The following CPNE4 variants were observed in gnomAD, a reference collection of about 807,000 sequenced individuals.
The protein encoded by CPNE4 is copine-4.
In CPNE4, 25 loss-of-function variants were observed where a neutral mutation model predicts 67.9. That is an observed-to-expected ratio of 0.37 (90% CI 0.27 to 0.51). The LOEUF (loss-of-function observed/expected upper bound fraction) is 0.51. CPNE4 is among the 20% of genes least tolerant of loss of function. The probability of loss-of-function intolerance (pLI) is 0.93; values close to 1 mark genes in which losing one functional copy is unlikely to be tolerated. For missense variants in CPNE4, 464 were observed against 690.8 expected (o/e 0.67, Z 3.68); for synonymous variants, 242 against 244.9 (o/e 0.99, Z 0.11).
At chr3:131,883,567 A>G (rs961245140) in intron 2 of CPNE4, among the ~76,000 whole-genome samples, 2 of 152,196 alleles carry the variant, frequency 1.3e-5, no homozygotes, top group African/African-American at 4.8e-5. Flanking sequence ...CTCCCATTAC[A>G]TATGGAATAA....
intron 7 of CPNE4, among the ~76,000 whole-genome samples, chr3:131,668,497 C>A (rs1040763021): frequency 6.6e-6 from 1 of 151,986 alleles, no homozygotes; most frequent in African/African-American, 2.4e-5. Context: ...TCTCAGTTAC[C>A]CAATTCTGAT....
At chr3:131,875,520 T>C (rs1039796067) in intron 2 of CPNE4, among the ~76,000 whole-genome samples, 30 of 152,280 alleles carry the variant, frequency 2.0e-4, no homozygotes, top group Middle Eastern at 6.8e-3. Flanking sequence ...GATGAGTTCA[T>C]GTCCTTTGTA....
intron 1 of CPNE4, among the ~76,000 whole-genome samples, chr3:132,019,962 A>C (rs1037315879): frequency 1.3e-5 from 2 of 152,190 alleles, no homozygotes; most frequent in African/African-American, 4.8e-5. Context: ...CATTAAGGAC[A>C]TTCTCACCAC....
chr3:132,022,276 G>A (rs1246340639), intron 1 of CPNE4, among the ~76,000 whole-genome samples: 1 of 152,178 alleles, frequency 6.6e-6, no homozygotes, highest in Non-Finnish European at 1.5e-5. Context: ...AGCAGCCCTA[G>A]CAATCTGTGA....
At chr3:131,981,212 T>C (rs2072899680) in intron 1 of CPNE4, among the ~76,000 whole-genome samples, 1 of 151,644 alleles carries the variant, frequency 6.6e-6, no homozygotes, top group African/African-American at 2.4e-5. Context: ...TCAGCTGTGG[T>C]AGAATGGGGA....
intron 2 of CPNE4, among the ~76,000 whole-genome samples, chr3:131,860,512 C>G (rs2086631904): frequency 6.6e-6 from 1 of 152,196 alleles, no homozygotes. Flanking sequence ...ATTAAGACAT[C>G]TGGAAACTGT....
Position 131,969,186 on chromosome 3 carries a change from T to A in CPNE4, c.-1-63742A>T, listed in dbSNP as rs189198344. On this transcript the variant is annotated intron_variant, in intron 1 of 15. Transcript: ENST00000429747. ...ACACATGGACACAGGAAGGGGAACATCACACACCAGGGCCTGTCAGGGAGT... is the reference window on the plus strand; with the variant it reads ...ACACATGGACACAGGAAGGGGAACAACACACACCAGGGCCTGTCAGGGAGT... 4.4e-3 allele frequency among the ~76,000 whole-genome samples: 674 copies of A among 151,836 alleles called. 7 individuals carry two copies. Among genetic ancestry groups the A allele is most frequent in the African/African-American group, 0.015 (623 of 41,430 alleles).
intron 2 of CPNE4, among the ~76,000 whole-genome samples, chr3:131,750,951 G>C (rs1359688639): frequency 6.6e-6 from 1 of 151,948 alleles, no homozygotes; most frequent in East Asian, 1.9e-4. Flanking sequence ...TTTTCTTTTA[G>C]AACTGGAAAA....
At chr3:131,702,575 A>G (rs896824552) in intron 3 of CPNE4, among the ~76,000 whole-genome samples, 3 of 152,194 alleles carry the variant, frequency 2.0e-5, no homozygotes, top group Admixed American at 6.5e-5. Context: ...ATTCATCCGC[A>G]TTGGTCACCT....
At chr3:131,720,145 A>G (rs1378077503) in intron 3 of CPNE4, among the ~76,000 whole-genome samples, 1 of 152,096 alleles carries the variant, frequency 6.6e-6, no homozygotes, top group East Asian at 1.9e-4. Context: ...TTGAGTGCCC[A>G]TCACTGACTT....
At chr3:131,676,855 A>G (rs1004964444) in intron 6 of CPNE4, among the ~76,000 whole-genome samples, 1 of 151,864 alleles carries the variant, frequency 6.6e-6, no homozygotes, top group Non-Finnish European at 1.5e-5. Flanking sequence ...GTGTGCATGT[A>G]TGTTTATAAC....
At chr3:131,659,487 A>T (rs975256452) in intron 7 of CPNE4, among the ~76,000 whole-genome samples, 1 of 152,218 alleles carries the variant, frequency 6.6e-6, no homozygotes, top group African/African-American at 2.4e-5. Flanking sequence ...CCAGCCAGAT[A>T]ATAAGAGGGC....
At chr3:131,672,640 G>A (rs2080450211) in intron 6 of CPNE4, among the ~76,000 whole-genome samples, 1 of 152,008 alleles carries the variant, frequency 6.6e-6, no homozygotes, top group African/African-American at 2.4e-5. Flanking sequence ...CTTCTTTTGA[G>A]AAATGTTTAT....
intron 2 of CPNE4, among the ~76,000 whole-genome samples, chr3:131,735,823 C>T (rs1040262394): frequency 1.3e-5 from 2 of 152,180 alleles, no homozygotes; most frequent in Admixed American, 1.3e-4. Flanking sequence ...AAATGAGACA[C>T]CTATGAATGC....
intron 2 of CPNE4, among the ~76,000 whole-genome samples, chr3:131,750,414 A>AT (rs1254538726): frequency 1.3e-5 from 2 of 152,058 alleles, no homozygotes; most frequent in African/African-American, 4.8e-5. Flanking sequence ...TTACTTGAAC[A>AT]TTTTTTTAAA....
intron 11 of CPNE4, among the ~76,000 whole-genome samples, chr3:131,560,689 C>T (rs891534383): frequency 6.6e-6 from 1 of 151,964 alleles, no homozygotes; most frequent in East Asian, 1.9e-4. Flanking sequence ...TACAGCTTCC[C>T]GTGAGGTGTT....
intron 3 of CPNE4, among the ~76,000 whole-genome samples, chr3:131,706,059 G>A (rs1228447305): frequency 6.6e-6 from 1 of 152,182 alleles, no homozygotes; most frequent in African/African-American, 2.4e-5. Context: ...CCTGGCCAGA[G>A]CATTTTGTCG....
At chr3:131,951,688 G>A (rs533998121) in intron 1 of CPNE4, among the ~76,000 whole-genome samples, 20 of 152,268 alleles carry the variant, frequency 1.3e-4, no homozygotes, top group Admixed American at 6.5e-5. Context: ...TCAGCCTGCC[G>A]AGTGCCTGCG....
intron 11 of CPNE4, among the ~76,000 whole-genome samples, chr3:131,559,309 G>A (rs1936633069): frequency 6.6e-6 from 1 of 151,888 alleles, no homozygotes; most frequent in African/African-American, 2.4e-5. Flanking sequence ...TATAAGAACA[G>A]GTTTTCTTAG....
Sources: gnomAD v4.1 joint callset for allele counts (sites outside exome capture counted in the v4.1 genomes callset) on GRCh38, gnomAD v4.1.1 for gene constraint, MANE v1.5 for transcripts, NCBI Gene and HGNC (gene_info 2026-07-23, HGNC 2026-07-21) for gene names.